Variants in LY86 observed in about 807,000 individuals in gnomAD.
LY86 encodes the protein lymphocyte antigen 86.
In LY86, 20 loss-of-function variants were observed where a neutral mutation model predicts 17.3. That is an observed-to-expected ratio of 1.15 (90% CI 0.81 to 1.68). LY86 has a LOEUF of 1.68. Ranked by LOEUF, LY86 falls within the 40% of genes most tolerant of loss-of-function variation. The probability of loss-of-function intolerance (pLI) is 0.00; values close to 1 mark genes in which losing one functional copy is unlikely to be tolerated. For synonymous variants in LY86, 74 were observed against 70.6 expected (o/e 1.05, Z -0.24); for missense variants, 200 against 191.9 (o/e 1.04, Z -0.25).
intron 1 of LY86, among the ~76,000 whole-genome samples, chr6:6,610,223 C>T (rs57157238): frequency 0.034 from 5,218 of 152,280 alleles, 307 homozygotes; most frequent in African/African-American, 0.12. Context: ...GGTTTTGATA[C>T]GTGGTTCTGT....
intron 1 of LY86, among the ~76,000 whole-genome samples, chr6:6,618,779 A>T (rs947216509): frequency 6.6e-6 from 1 of 152,250 alleles, no homozygotes; most frequent in Non-Finnish European, 1.5e-5. Flanking sequence ...TGGAACTACT[A>T]TTATTTGAAA....
At chr6:6,589,216 C>A (rs1367973577) in intron 1 of LY86, among the ~76,000 whole-genome samples, 1 of 152,222 alleles carries the variant, frequency 6.6e-6, no homozygotes, top group Non-Finnish European at 1.5e-5. Context: ...TTAGGAAAAG[C>A]AGCTTCCAGT....
chr6:6,627,527 A>G (rs75668669), intron 3 of LY86, among the ~76,000 whole-genome samples: 1 of 152,122 alleles, frequency 6.6e-6, no homozygotes, highest in African/African-American at 2.4e-5. Context: ...AGCGTTTGCC[A>G]TGTTGGACTG....
chr6:6,643,303 G>A (rs1453215007), intron 3 of LY86, among the ~76,000 whole-genome samples: 1 of 152,178 alleles, frequency 6.6e-6, no homozygotes, highest in South Asian at 2.1e-4. Flanking sequence ...AAGACAATTT[G>A]GTCTATACAC....
intron 1 of LY86, among the ~76,000 whole-genome samples, chr6:6,589,938 A>G (rs1581225849): frequency 6.6e-6 from 1 of 151,996 alleles, no homozygotes; most frequent in East Asian, 1.9e-4. Context: ...CCTGACCAAC[A>G]TGGAAAAACC....
At chr6:6,613,498 G>A (rs1015915905) in intron 1 of LY86, among the ~76,000 whole-genome samples, 1 of 152,200 alleles carries the variant, frequency 6.6e-6, no homozygotes, top group African/African-American at 2.4e-5. Flanking sequence ...CAGGTGCTAA[G>A]CTCCTCACTG....
intron 3 of LY86, among the ~76,000 whole-genome samples, chr6:6,634,429 C>A (rs1761935173): frequency 6.6e-6 from 1 of 152,160 alleles, no homozygotes; most frequent in African/African-American, 2.4e-5. Flanking sequence ...GAGTAGATCC[C>A]CTGAGAACTG....
chr6:6,647,049 C>G (rs1044323546), intron 3 of LY86, among the ~76,000 whole-genome samples: 1 of 152,206 alleles, frequency 6.6e-6, no homozygotes, highest in Admixed American at 6.5e-5. Flanking sequence ...CCATCTAGTG[C>G]CCCCTACCTG....
chr6:6,633,792 T>C (rs568256320), intron 3 of LY86, among the ~76,000 whole-genome samples: 3 of 152,372 alleles, frequency 2.0e-5, no homozygotes, highest in Admixed American at 6.5e-5. Context: ...CTTTCAAAAA[T>C]AATTTGTGTA....
At chr6:6,596,952 C>T (rs1056026873) in intron 1 of LY86, among the ~76,000 whole-genome samples, 5 of 152,128 alleles carry the variant, frequency 3.3e-5, no homozygotes, top group South Asian at 2.1e-4. Context: ...AGGCAGGAAA[C>T]GTTTTCCCAA....
chr6:6,630,992 T>C (rs1761890063), intron 3 of LY86, among the ~76,000 whole-genome samples: 1 of 152,144 alleles, frequency 6.6e-6, no homozygotes. Flanking sequence ...TAATCATTTA[T>C]CAATGATAAG....
At chr6:6,636,872 G>A (rs1386153752) in intron 3 of LY86, among the ~76,000 whole-genome samples, 6 of 140,182 alleles carry the variant, frequency 4.3e-5, no homozygotes, top group African/African-American at 8.1e-5. Context: ...TGCATTAGCC[G>A]AACTCCTACC....
chr6:6,607,652 C>G (rs1310695712), intron 1 of LY86, among the ~76,000 whole-genome samples: 1 of 152,036 alleles, frequency 6.6e-6, no homozygotes, highest in Non-Finnish European at 1.5e-5. Context: ...GTAATCCCAG[C>G]ACTTTGGGAG....
chr6:6,619,162 T>C (rs1215472508), intron 1 of LY86, among the ~76,000 whole-genome samples: 1 of 152,174 alleles, frequency 6.6e-6, no homozygotes, highest in Admixed American at 6.5e-5. Flanking sequence ...GAAGACAGAC[T>C]TCTAGATCCA....
At chr6:6,591,056 A>G (rs972905967) in intron 1 of LY86, 2 of 153,714 alleles carry the variant, frequency 1.3e-5, no homozygotes, top group Non-Finnish European at 2.9e-5. Context: ...TCAGTGCAGG[A>G]TGAGAAGCAA....
At chr6:6,649,520 T>A in intron 3 of LY86, 105 bp from the exon 4 acceptor site, 2 of 688,850 alleles carry the variant, frequency 2.9e-6, no homozygotes, top group Non-Finnish European at 5.0e-6. Context: ...TGCTCTTATT[T>A]TGGTGCCAAT....
In LY86 at chr6:6,606,287, C is replaced by T. The variant is rs373166014; in HGVS notation, c.136+17417C>T. Among the ~76,000 whole-genome samples, 6 of 152,112 alleles carry T rather than the reference C, an allele frequency of 3.9e-5. No individual in the cohort carries two copies. The East Asian group carries it at 5.8e-4, about 15-fold the overall frequency. On this transcript the variant is annotated intron_variant, in intron 1 of 4. Coordinates refer to ENST00000230568, the MANE Select transcript of LY86 (RefSeq NM_004271.4). ...ACCAGAGTAGCTAAACACAGAGTGT[C>T]GATTGGTGCATTCACAAACCCTGAG...
intron 1 of LY86, among the ~76,000 whole-genome samples, chr6:6,601,730 G>C (rs1003631996): frequency 6.7e-6 from 1 of 150,214 alleles, no homozygotes; most frequent in African/African-American, 2.5e-5. Flanking sequence ...GAAAAAAAAA[G>C]AAAAAAAAAG....
intron 1 of LY86, among the ~76,000 whole-genome samples, chr6:6,606,053 G>C (rs150757827): frequency 1.4e-4 from 21 of 152,336 alleles, no homozygotes; most frequent in African/African-American, 4.3e-4. Context: ...GCAGGTTACT[G>C]CTGCTAGCGC....
Sources: gnomAD v4.1 joint callset for allele counts (sites outside exome capture counted in the v4.1 genomes callset) on GRCh38, gnomAD v4.1.1 for gene constraint, MANE v1.5 for transcripts, NCBI Gene and HGNC (gene_info 2026-07-23, HGNC 2026-07-21) for gene names.